The following RBFOX3 variants were observed in gnomAD, a reference collection of about 807,000 sequenced individuals.
RBFOX3 encodes the protein RNA binding fox-1 homolog 3, also known as RNA binding protein fox-1 homolog 3.
Under a neutral mutation model 48.7 loss-of-function variants are expected in RBFOX3, and 17 were observed. The observed-to-expected ratio is 0.35, with a 90% confidence interval of 0.24 to 0.52. The LOEUF (loss-of-function observed/expected upper bound fraction) is 0.52. RBFOX3 is among the 20% of genes least tolerant of loss of function. The probability of loss-of-function intolerance (pLI) is 0.94; values close to 1 mark genes in which losing one functional copy is unlikely to be tolerated. For synonymous variants in RBFOX3, 212 were observed against 209.5 expected (o/e 1.01, Z -0.10); for missense variants, 382 against 497.5 (o/e 0.77, Z 2.21).
At chr17:79,339,523 A>C (rs150450755) in intron 2 of RBFOX3, among the ~76,000 whole-genome samples, 236 of 152,288 alleles carry the variant, frequency 1.5e-3, no homozygotes, top group African/African-American at 5.3e-3. Context: ...AGCTGGTGGG[A>C]GGGAAGGAGG....
intron 1 of RBFOX3, among the ~76,000 whole-genome samples, chr17:79,488,292 G>A (rs1374143452): frequency 4.6e-5 from 7 of 152,192 alleles, no homozygotes; most frequent in African/African-American, 1.7e-4. Context: ...TAGGATTTAA[G>A]ATGAGGCATC....
At chr17:79,190,614 C>T (rs936343469) in intron 4 of RBFOX3, among the ~76,000 whole-genome samples, 1 of 152,124 alleles carries the variant, frequency 6.6e-6, no homozygotes, top group African/African-American at 2.4e-5. Flanking sequence ...ACCCTGCTGT[C>T]TCTCCGGGGA....
chr17:79,255,468 T>A (rs1211804637), intron 3 of RBFOX3, among the ~76,000 whole-genome samples: 1 of 152,030 alleles, frequency 6.6e-6, no homozygotes, highest in East Asian at 1.9e-4. Flanking sequence ...TGGCCCCCCA[T>A]CTGTGCTCAG....
intron 2 of RBFOX3, among the ~76,000 whole-genome samples, chr17:79,330,445 C>T (rs1056155232): frequency 1.2e-5 from 1 of 86,296 alleles, no homozygotes. Context: ...ACAACGATGC[C>T]ACCTGTTGTG....
At chr17:79,128,602 A>G (rs2037955477) in intron 4 of RBFOX3, among the ~76,000 whole-genome samples, 1 of 152,102 alleles carries the variant, frequency 6.6e-6, no homozygotes, top group African/African-American at 2.4e-5. Context: ...GGACTGGGAG[A>G]GTGAGCATCC....
chr17:79,323,802 G>A (rs992498190), intron 2 of RBFOX3, among the ~76,000 whole-genome samples: 3 of 152,238 alleles, frequency 2.0e-5, no homozygotes, highest in African/African-American at 7.2e-5. Context: ...GCACCAATGC[G>A]AGCCCGCAGT....
intron 1 of RBFOX3, among the ~76,000 whole-genome samples, chr17:79,589,756 C>G (rs2093363607): frequency 6.6e-6 from 1 of 152,110 alleles, no homozygotes; most frequent in South Asian, 2.1e-4. Context: ...CCAATACCCC[C>G]ATGTGGGTTT....
chr17:79,405,752 G>A (rs532824253), intron 2 of RBFOX3, among the ~76,000 whole-genome samples: 41 of 152,094 alleles, frequency 2.7e-4, no homozygotes, highest in Non-Finnish European at 5.4e-4. Flanking sequence ...AAAAAGAAAC[G>A]CATGAATCTG....
chr17:79,611,122 CGCCCTCCT>C (rs1490379394), upstream of RBFOX3, among the ~76,000 whole-genome samples: 1 of 48,904 alleles, frequency 2.0e-5, no homozygotes, highest in African/African-American at 3.2e-5. Context: ...CTCCTCTCTC[CGCCCTCCT>C]TCTCTCTCTC....
At chr17:79,138,745 T>C (rs1380577692) in intron 4 of RBFOX3, among the ~76,000 whole-genome samples, 1 of 96,140 alleles carries the variant, frequency 1.0e-5, no homozygotes, top group African/African-American at 4.0e-5. Flanking sequence ...ACACAGCACG[T>C]GTTCACACCA....
intron 2 of RBFOX3, among the ~76,000 whole-genome samples, chr17:79,328,847 G>C (rs533844054): frequency 1.0e-3 from 159 of 152,300 alleles, no homozygotes; most frequent in African/African-American, 3.8e-3. Context: ...GGTTAGCCGT[G>C]GTTGCCCAGG....
At chr17:79,495,642 TG>T (rs2081394283) in intron 1 of RBFOX3, among the ~76,000 whole-genome samples, 1 of 24,188 alleles carries the variant, frequency 4.1e-5, no homozygotes, top group Non-Finnish European at 7.2e-5. Flanking sequence ...GGGGCAGGGA[TG>T]GGGGTGCAGG....
intron 3 of RBFOX3, among the ~76,000 whole-genome samples, chr17:79,300,955 T>C (rs1447045214): frequency 6.6e-6 from 1 of 152,218 alleles, no homozygotes; most frequent in Non-Finnish European, 1.5e-5. Flanking sequence ...GAGGCATGGA[T>C]GCCAGGGCTG....
intron 3 of RBFOX3, among the ~76,000 whole-genome samples, chr17:79,268,561 T>A (rs2067131650): frequency 6.6e-6 from 1 of 152,122 alleles, no homozygotes; most frequent in East Asian, 1.9e-4. Context: ...GCCATCTTCA[T>A]GGGAAAAGGA....
rs1312928712 is a variant in RBFOX3 at position 79,364,723 on chromosome 17, G to A, written c.-174-56899C>T. ...GATGGGGGACACCATATGGGGCTGGGGACCTAGAGGAACACATTATAGCCC... is the reference window on the plus strand; with the variant it reads ...GATGGGGGACACCATATGGGGCTGGAGACCTAGAGGAACACATTATAGCCC... On this transcript the variant is annotated intron_variant, in intron 2 of 14. Transcript: ENST00000693108. The surrounding 1 kb of genome is among the most constrained non-coding windows in gnomAD (Gnocchi z 5.1). Among the ~76,000 whole-genome samples the A allele has an allele frequency of 6.6e-6, 1 of 152,150 alleles. No homozygotes were observed. The highest frequency in any genetic ancestry group is 1.5e-5 in the Non-Finnish European group (1 of 68,018).
the RBFOX3 span, among the ~76,000 whole-genome samples, chr17:79,622,807 T>G: frequency 6.6e-6 from 1 of 152,172 alleles, no homozygotes; most frequent in Non-Finnish European, 1.5e-5. Flanking sequence ...CGGCACCATA[T>G]AGATTTTGAG....
At chr17:79,140,035 G>C (rs887948000) in intron 4 of RBFOX3, among the ~76,000 whole-genome samples, 3 of 152,172 alleles carry the variant, frequency 2.0e-5, no homozygotes, top group Admixed American at 6.5e-5. Flanking sequence ...CTGGTCCCGC[G>C]GCCCTGCCAG....
At chr17:79,626,082 T>C in the RBFOX3 span, among the ~76,000 whole-genome samples, 1 of 152,044 alleles carries the variant, frequency 6.6e-6, no homozygotes, top group African/African-American at 2.4e-5. Context: ...GACTGTGGCC[T>C]GGGGCAGTAA....
chr17:79,285,051 G>T (rs1465251477), intron 3 of RBFOX3, among the ~76,000 whole-genome samples: 1 of 152,202 alleles, frequency 6.6e-6, no homozygotes. Context: ...TCCACTCCCT[G>T]TGCCTCAGTT....
Sources: allele counts gnomAD v4.1 joint callset (sites outside exome capture counted in the v4.1 genomes callset), GRCh38; gene constraint gnomAD v4.1.1; non-coding constraint Gnocchi (gnomAD v3.1); transcripts MANE v1.5; gene names NCBI Gene and HGNC (gene_info 2026-07-23, HGNC 2026-07-21).